WDR25: variants seen among roughly 807,000 people sequenced by gnomAD.
The protein encoded by WDR25 is WD repeat-containing protein 25.
Under a neutral mutation model 47.7 loss-of-function variants are expected in WDR25, and 35 were observed. The observed-to-expected ratio is 0.73, with a 90% CI of 0.56 to 0.97. WDR25 has a LOEUF of 0.97. Ranked by LOEUF, WDR25 falls within the 50% of genes least tolerant of loss-of-function variation. WDR25 has a pLI of 0.00. For synonymous variants in WDR25, 248 were observed against 278.9 expected, an observed-to-expected ratio of 0.89 and a Z score of 1.10; for missense variants, 634 against 704.7, an observed-to-expected ratio of 0.90 and a Z score of 1.14.
At chr14:100,441,148 A>ACT (rs1478581627) in intron 2 of WDR25, among the ~76,000 whole-genome samples, 6 of 151,728 alleles carry the variant, frequency 4.0e-5, no homozygotes, top group African/African-American at 1.5e-4. Context: ...TTTCCAGAAC[A>ACT]CTCTGGTATG....
intron 4 of WDR25, among the ~76,000 whole-genome samples, chr14:100,490,587 G>C (rs1900530041): frequency 6.6e-6 from 1 of 152,248 alleles, no homozygotes; most frequent in South Asian, 2.1e-4. Context: ...TTGCTGCCCA[G>C]GGTGGCCTAG....
In WDR25 at chr14:100,430,295, C is replaced by A. The variant is rs548750870; in HGVS notation, c.823-37726C>A. On this transcript the variant is annotated intron_variant, in intron 2 of 6. Transcript: ENST00000402312. The surrounding 1 kb of genome is among the most constrained non-coding windows in gnomAD (Gnocchi z 4.7). ...CAGCCAGTCAGAGTCACCTCCGGAC[C>A]TCCTGCTTCCTGATCTCCTCAGCCC... Among the ~76,000 whole-genome samples the A allele has an allele frequency of 6.6e-6, 1 of 152,162 alleles. No homozygotes were observed.
intron 2 of WDR25, among the ~76,000 whole-genome samples, chr14:100,390,351 A>G (rs1449109786): frequency 1.3e-5 from 2 of 149,824 alleles, no homozygotes; most frequent in African/African-American, 4.9e-5. Context: ...GCTCATTCCA[A>G]TTAGGGAGGG....
chr14:100,465,110 G>A (rs1228462086), intron 2 of WDR25, among the ~76,000 whole-genome samples: 1 of 151,744 alleles, frequency 6.6e-6, no homozygotes, highest in African/African-American at 2.4e-5. Context: ...CCTCATGCAT[G>A]TTTTTATAGC....
chr14:100,448,437 C>T (rs1224094354), intron 2 of WDR25, among the ~76,000 whole-genome samples: 2 of 152,100 alleles, frequency 1.3e-5, no homozygotes, highest in East Asian at 1.9e-4. Context: ...ACCTGGGCCC[C>T]AGGTGAGAAG....
At chr14:100,454,566 A>C in intron 2 of WDR25, 1 of 672,678 alleles carries the variant, frequency 1.5e-6, no homozygotes, top group Non-Finnish European at 2.3e-6. Context: ...AGCAAAAAAA[A>C]GCAGGCAGAG....
Position 100,430,168 on chromosome 14 carries a change from G to GTGTA in WDR25, c.823-37850_823-37849insATGT, listed in dbSNP as rs1161308963. 6.6e-6 allele frequency among the ~76,000 whole-genome samples: 1 copy of GTGTA among 151,748 alleles called. No individual in the cohort carries two copies. The highest frequency in any genetic ancestry group is 2.4e-5 in the African/African-American group (1 of 41,294). ...GGGGGCCTGGTGTGTGTGTGTGTGT[G>GTGTA]TGTGTGTGTGTGTGTGTTCCCGGGA... On this transcript the variant is annotated intron_variant, in intron 2 of 6. Coordinates refer to ENST00000402312, the MANE Select transcript of WDR25 (RefSeq NM_001161476.3). The surrounding 1 kb of genome is among the most constrained non-coding windows in gnomAD (Gnocchi z 4.7).
intron 2 of WDR25, chr14:100,382,098 G>A: frequency 1.4e-6 from 1 of 703,000 alleles, no homozygotes; most frequent in Non-Finnish European, 2.6e-6. Context: ...GGAGCATTGA[G>A]CCATGCCAGC....
intron 2 of WDR25, chr14:100,382,067 G>C (rs1339178249): frequency 7.1e-6 from 5 of 702,786 alleles, no homozygotes; most frequent in Admixed American, 2.0e-5. Flanking sequence ...TGGGGACTGG[G>C]GACATCCTCG....
chr14:100,432,951 T>C (rs567112180), intron 2 of WDR25, among the ~76,000 whole-genome samples: 2 of 152,324 alleles, frequency 1.3e-5, no homozygotes, highest in East Asian at 1.9e-4. Flanking sequence ...CTGAATACTG[T>C]AGGCAATTGG....
chr14:100,410,273 A>G lies in WDR25; in HGVS notation c.822+28527A>G, dbSNP rs80305234. Among the ~76,000 whole-genome samples the G allele has an allele frequency of 1.3e-3, 202 of 152,266 alleles. 2 individuals are homozygous for G. Among genetic ancestry groups the G allele is most frequent in the South Asian group, 2.5e-3 (12 of 4,826 alleles). On this transcript the variant is annotated intron_variant, in intron 2 of 6. Transcript: ENST00000402312. Reference sequence around the variant, plus strand: ...CTGAGGTTTTTACATATGCTCTGGAATCTGGAGTGAGGGTGTATGCGTCAA... The same window carrying G: ...CTGAGGTTTTTACATATGCTCTGGAGTCTGGAGTGAGGGTGTATGCGTCAA...
intron 4 of WDR25, among the ~76,000 whole-genome samples, chr14:100,490,892 CT>C (rs1169105662): frequency 6.6e-6 from 1 of 152,188 alleles, no homozygotes; most frequent in African/African-American, 2.4e-5. Context: ...ATTAAAAAGG[CT>C]TTTTATTTGG....
chr14:100,399,016 A>G (rs1381136842), intron 2 of WDR25, among the ~76,000 whole-genome samples: 1 of 151,888 alleles, frequency 6.6e-6, no homozygotes, highest in African/African-American at 2.4e-5. Context: ...ACTCACTTAT[A>G]AAGTGCCATT....
intron 3 of WDR25, among the ~76,000 whole-genome samples, chr14:100,475,694 A>G (rs868167105): frequency 1.3e-5 from 2 of 152,166 alleles, no homozygotes; most frequent in African/African-American, 4.8e-5. Context: ...GAATGAAGGA[A>G]TAAGTTTTGG....
At chr14:100,489,432 G>T (rs1288303406) in intron 4 of WDR25, among the ~76,000 whole-genome samples, 1 of 152,200 alleles carries the variant, frequency 6.6e-6, no homozygotes, top group East Asian at 1.9e-4. Context: ...ACTTTAAGAT[G>T]ACTATGTATT....
Position 100,449,806 on chromosome 14 carries a change from C to T in WDR25, c.823-18215C>T, listed in dbSNP as rs912378313. Among the ~76,000 whole-genome samples the T allele has an allele frequency of 6.6e-6, 1 of 152,314 alleles. No homozygotes were observed. The highest frequency in any genetic ancestry group is 2.4e-5 in the African/African-American group (1 of 41,576). On this transcript the variant is annotated intron_variant, in intron 2 of 6. Transcript: ENST00000402312. This position sits in a 1 kb window ranked among gnomAD's most constrained non-coding sequence, Gnocchi z 4.2. Reference sequence around the variant, plus strand: ...ACCATCATGCGGTCATAGGATGAGACGTCCCAGGTTCTGGCTCTCCCTGCC... The same window carrying T: ...ACCATCATGCGGTCATAGGATGAGATGTCCCAGGTTCTGGCTCTCCCTGCC...
chr14:100,383,137 G>A (rs959022288), intron 2 of WDR25, among the ~76,000 whole-genome samples: 1 of 152,172 alleles, frequency 6.6e-6, no homozygotes, highest in African/African-American at 2.4e-5. Context: ...TTTAAGTGGC[G>A]AACTGGAGTC....
chr14:100,435,485 T>A (rs935916039), intron 2 of WDR25, among the ~76,000 whole-genome samples: 7 of 152,070 alleles, frequency 4.6e-5, no homozygotes, highest in Non-Finnish European at 8.8e-5. Flanking sequence ...CTCAGAAAAA[T>A]TTTTAAAAAT....
Position 100,530,068 on chromosome 14 carries a change from G to T in WDR25, c.*27G>T. 1 of 1,589,136 alleles carries T rather than the reference G, an allele frequency of 6.3e-7. No homozygotes were observed. On this transcript the variant is annotated 3_prime_UTR_variant, in exon 7 of 7. Transcript: ENST00000402312. ...CTTTTTGTCACTGAACCTTCCCGAT[G>T]CCAGCTGGGCTCTTGGACTCCCCTC...
Sources: allele counts gnomAD v4.1 joint callset (sites outside exome capture counted in the v4.1 genomes callset), GRCh38; gene constraint gnomAD v4.1.1; non-coding constraint Gnocchi (gnomAD v3.1); transcripts MANE v1.5; gene names NCBI Gene and HGNC (gene_info 2026-07-23, HGNC 2026-07-21).